Variants in SOX6 observed in about 807,000 individuals in gnomAD.
SOX6 encodes SRY-box transcription factor 6.
In SOX6, 11 loss-of-function variants were observed where a neutral mutation model predicts 97.8. That is an observed-to-expected ratio of 0.11 (90% CI 0.07 to 0.19). The LOEUF (loss-of-function observed/expected upper bound fraction) is 0.19. Among genes scored for constraint, SOX6 ranks in the 10% least tolerant of loss-of-function variants. The pLI, the probability that SOX6 is intolerant of heterozygous loss-of-function variation, is 1.00. For missense variants in SOX6, 810 were observed against 1,039.5 expected (o/e 0.78, Z 3.04); for synonymous variants, 360 against 371.4 (o/e 0.97, Z 0.35).
At chr11:16,024,618 G>A (rs966194373) in intron 12 of SOX6, among the ~76,000 whole-genome samples, 14 of 151,882 alleles carry the variant, frequency 9.2e-5, no homozygotes, top group Non-Finnish European at 1.8e-4. Flanking sequence ...GCAAGAAACA[G>A]AATCTCAATG....
chr11:16,296,559 G>A (rs1855096671), intron 3 of SOX6, among the ~76,000 whole-genome samples: 2 of 152,098 alleles, frequency 1.3e-5, no homozygotes, highest in Admixed American at 1.3e-4. Flanking sequence ...CTGTTTATGT[G>A]TAGCTCACTG....
intron 13 of SOX6, among the ~76,000 whole-genome samples, chr11:16,007,842 G>A (rs1854603933): frequency 6.6e-6 from 1 of 152,220 alleles, no homozygotes; most frequent in Admixed American, 6.5e-5. Flanking sequence ...ATACTGCTGA[G>A]GAAGCAAGGG....
At chr11:16,722,757 C>T (rs1848277016) in intron 2 of SOX6, among the ~76,000 whole-genome samples, 1 of 152,060 alleles carries the variant, frequency 6.6e-6, no homozygotes, top group African/African-American at 2.4e-5. Context: ...TAGAGAAATA[C>T]ACATCAAAAC....
chr11:16,319,823 A>T (rs1433598494), intron 2 of SOX6, among the ~76,000 whole-genome samples: 1 of 151,084 alleles, frequency 6.6e-6, no homozygotes, highest in African/African-American at 2.4e-5. Flanking sequence ...GTGTCTTTAT[A>T]GCAGCATGAT....
chr11:16,388,597 A>G lies in SOX6; in HGVS notation c.-4-47345T>C, dbSNP rs1201444978. Among the ~76,000 whole-genome samples, 9 of 152,164 alleles carry G rather than the reference A, an allele frequency of 5.9e-5. No homozygotes were observed. In the East Asian group the frequency reaches 1.7e-3, roughly 29 times the overall value. On this transcript the variant is annotated intron_variant, in intron 1 of 15. Transcript: ENST00000396356. ...CAGTTTCTTATCTTGTGTCAGTTTTAGTAAGTTTTTTTCTAAGAAATTTGT... is the reference window on the plus strand; with the variant it reads ...CAGTTTCTTATCTTGTGTCAGTTTTGGTAAGTTTTTTTCTAAGAAATTTGT...
At chr11:16,390,613 T>C (rs902382328) in intron 1 of SOX6, among the ~76,000 whole-genome samples, 7 of 152,208 alleles carry the variant, frequency 4.6e-5, no homozygotes, top group Non-Finnish European at 8.8e-5. Flanking sequence ...TTTGATCTGT[T>C]CAATGAAATG....
intron 1 of SOX6, chr11:16,402,761 GA>G (rs774027836): frequency 1.9e-6 from 3 of 1,604,788 alleles, no homozygotes; most frequent in East Asian, 2.2e-5. Flanking sequence ...GAAATATTAG[GA>G]AAAAAAACAA....
rs192799597 is a variant in SOX6, at chr11:16,230,634, C to A, written c.535+3948G>T. On this transcript the variant is annotated intron_variant, in intron 4 of 15. Transcript: ENST00000683767. ...ATTCAATAGTATAAAGATGTCAGTT[C>A]ATCCTACCCTTTCATATAAATGTAA... Among the ~76,000 whole-genome samples the A allele has an allele frequency of 1.9e-3, 288 of 151,800 alleles. 1 individual carries two copies. Among genetic ancestry groups the A allele is most frequent in the Middle Eastern group, 6.9e-3 (2 of 290 alleles).
At chr11:16,087,392 G>A (rs1035353644) in intron 9 of SOX6, among the ~76,000 whole-genome samples, 12 of 151,874 alleles carry the variant, frequency 7.9e-5, no homozygotes, top group East Asian at 3.9e-4. Context: ...ATGAGATTTC[G>A]GTAACTAGCA....
chr11:16,546,590 C>A (rs1415054192), intron 4 of SOX6, among the ~76,000 whole-genome samples: 1 of 152,118 alleles, frequency 6.6e-6, no homozygotes, highest in Non-Finnish European at 1.5e-5. Flanking sequence ...TCCCCTATCT[C>A]TCACCATATA....
At chr11:16,094,532 G>A (rs1374570702) in intron 9 of SOX6, among the ~76,000 whole-genome samples, 2 of 151,908 alleles carry the variant, frequency 1.3e-5, no homozygotes, top group Non-Finnish European at 2.9e-5. Context: ...TCTTGAGTTT[G>A]AGCCAAGGCT....
At chr11:16,274,875 T>C (rs1050767381) in intron 3 of SOX6, among the ~76,000 whole-genome samples, 33 of 152,140 alleles carry the variant, frequency 2.2e-4, no homozygotes, top group African/African-American at 7.5e-4. Flanking sequence ...TCTCACCTTA[T>C]TATTATGTCA....
intron 6 of SOX6, among the ~76,000 whole-genome samples, chr11:16,142,499 A>G (rs985430077): frequency 3.3e-5 from 5 of 152,228 alleles, no homozygotes; most frequent in Admixed American, 3.3e-4. Context: ...AAAGCTGGAC[A>G]GAGAATGACT....
At chr11:16,263,215 G>T (rs182640287) in intron 3 of SOX6, among the ~76,000 whole-genome samples, 12 of 151,948 alleles carry the variant, frequency 7.9e-5, no homozygotes, top group African/African-American at 2.9e-4. Flanking sequence ...ACTCCAATGC[G>T]AGTTGAAATT....
chr11:16,540,965 A>G (rs951859349), intron 4 of SOX6, among the ~76,000 whole-genome samples: 2 of 152,244 alleles, frequency 1.3e-5, no homozygotes, highest in Non-Finnish European at 2.9e-5. Flanking sequence ...GAATTGGAAA[A>G]AACTATTCTA....
rs1253205348 is a variant in SOX6, at chr11:15,966,636, A to G, written c.*6173T>C. On this transcript the variant is annotated 3_prime_UTR_variant, in exon 16 of 16. Coordinates refer to ENST00000683767, the MANE Select transcript of SOX6 (RefSeq NM_001367873.1). ...ATATACATTATCACCCAAAGATGGC[A>G]TGTTGAACATATCAGGAAAGCACCT... 1 of 152,236 alleles carries G rather than the reference A, an allele frequency of 6.6e-6. No individual in the cohort carries two copies. The highest frequency in any genetic ancestry group is 6.5e-5 in the Admixed American group (1 of 15,288). 9.4% of individuals were successfully genotyped at this position (152,236 alleles called of 1,614,324 possible).
chr11:16,268,751 C>G (rs1854155725), intron 3 of SOX6, among the ~76,000 whole-genome samples: 1 of 151,012 alleles, frequency 6.6e-6, no homozygotes, highest in Non-Finnish European at 1.5e-5. Context: ...ATGTCCTTTT[C>G]TCTTTGTTTT....
rs115692189 is a variant in SOX6, at chr11:16,071,438, A to G, written c.1102-15537T>C. On this transcript the variant is annotated intron_variant, in intron 9 of 15. Transcript: ENST00000683767. ...AAGGCAGGGTGGATGACTCTACTCA[A>G]CCCCACCTCTTGTAGCCAGGTGAGC... 6.9e-3 allele frequency among the ~76,000 whole-genome samples: 1,047 copies of G among 152,074 alleles called. 12 individuals are homozygous for G. Among genetic ancestry groups the G allele is most frequent in the African/African-American group, 0.025 (1,016 of 41,450 alleles).
chr11:16,114,253 G>C (rs1849291533), intron 6 of SOX6, among the ~76,000 whole-genome samples: 1 of 152,066 alleles, frequency 6.6e-6, no homozygotes. Flanking sequence ...GGATTTACTA[G>C]GTGCCTCTAA....
Sources: gnomAD v4.1 joint callset for allele counts (sites outside exome capture counted in the v4.1 genomes callset) on GRCh38, gnomAD v4.1.1 for gene constraint, MANE v1.5 for transcripts, NCBI Gene and HGNC (gene_info 2026-07-23, HGNC 2026-07-21) for gene names.